Variants in ATXN8OS observed in about 807,000 individuals in gnomAD.
ATXN8OS encodes the protein ATXN8 opposite strand (non-protein coding).
At chr13:70,155,443 T>G (rs905456689) in intron 4 of ATXN8OS, among the ~76,000 whole-genome samples, 5 of 152,232 alleles carry the variant, frequency 3.3e-5, no homozygotes, top group African/African-American at 1.2e-4. Context: ...GCTGCTGGTT[T>G]ACATTCCATT....
At chr13:70,122,654 C>T (rs1247824367) in intron 2 of ATXN8OS, among the ~76,000 whole-genome samples, 1 of 151,822 alleles carries the variant, frequency 6.6e-6, no homozygotes, top group African/African-American at 2.4e-5. Context: ...TTTTATGAAA[C>T]TATGGTATGT....
At chr13:70,168,259 G>A (rs1025994174) in intron 4 of ATXN8OS, among the ~76,000 whole-genome samples, 3 of 152,076 alleles carry the variant, frequency 2.0e-5, no homozygotes, top group African/African-American at 7.2e-5. Context: ...ACATTTTTAT[G>A]GGGTACATGT....
At chr13:70,129,829 T>C in exon 3 of ATXN8OS, 2 of 398,394 alleles carry the variant, frequency 5.0e-6, no homozygotes, top group East Asian at 3.6e-5. Flanking sequence ...GAAGGATGTA[T>C]GTATAGGAAG....
chr13:70,144,119 A>G (rs1888750890), intron 3 of ATXN8OS, among the ~76,000 whole-genome samples: 1 of 152,084 alleles, frequency 6.6e-6, no homozygotes, highest in Non-Finnish European at 1.5e-5. Context: ...ATAAATATTA[A>G]ATTTTAATAT....
intron 2 of ATXN8OS, chr13:70,129,685 GTA>G (rs1196186318): frequency 2.5e-6 from 1 of 396,798 alleles, no homozygotes; most frequent in African/African-American, 2.1e-5. Context: ...GTTCTTATAA[GTA>G]GAATTACTTC....
intron 4 of ATXN8OS, among the ~76,000 whole-genome samples, chr13:70,159,549 C>A (rs1297526885): frequency 6.6e-6 from 1 of 151,814 alleles, no homozygotes; most frequent in African/African-American, 2.4e-5. Flanking sequence ...TATGGATTCC[C>A]ACGTGCATAC....
intron 4 of ATXN8OS, among the ~76,000 whole-genome samples, chr13:70,159,326 G>A (rs1480477263): frequency 6.6e-6 from 1 of 151,748 alleles, no homozygotes. Context: ...TATTGCTAGT[G>A]AGCAATAATA....
chr13:70,160,385 T>A (rs1888993003), intron 4 of ATXN8OS, among the ~76,000 whole-genome samples: 1 of 151,918 alleles, frequency 6.6e-6, no homozygotes, highest in African/African-American at 2.4e-5. Flanking sequence ...TTCTCACAGC[T>A]CCAGAAGCTA....
At chr13:70,132,183 G>T (rs941195650) in intron 3 of ATXN8OS, among the ~76,000 whole-genome samples, 6 of 151,766 alleles carry the variant, frequency 4.0e-5, no homozygotes, top group Non-Finnish European at 4.4e-5. Context: ...TTGCTTACTG[G>T]ACTATTCACA....
intron 2 of ATXN8OS, chr13:70,129,769 C>A (rs954604304): frequency 1.3e-5 from 5 of 398,290 alleles, no homozygotes; most frequent in Non-Finnish European, 1.8e-5. Context: ...TCTCTCTCTG[C>A]TTTAATTGCA....
At position 70,155,380 on chromosome 13, in the gene ATXN8OS, G is replaced by T. The variant is rs376848158; in HGVS notation, n.573+7952G>T. Among the ~76,000 whole-genome samples, 8 of 152,090 alleles carry T rather than the reference G, an allele frequency of 5.3e-5. 1 individual carries two copies. Among genetic ancestry groups the T allele is most frequent in the South Asian group, 2.1e-4 (1 of 4,802 alleles). On this transcript the variant is annotated intron_variant and non_coding_transcript_variant, in intron 4 of 4. Transcript: ENST00000678624. The stretch of plus-strand genomic sequence containing the variant: ...AGATAGATTGCCCAATTCTCAATTT[G>T]GTCCATAAGAAACATACCCAATATA...
chr13:70,162,297 C>A (rs575627136), intron 4 of ATXN8OS, among the ~76,000 whole-genome samples: 1 of 152,130 alleles, frequency 6.6e-6, no homozygotes, highest in East Asian at 1.9e-4. Flanking sequence ...GAATTCAGCA[C>A]CTCAGGGCCA....
chr13:70,133,396 A>C (rs754751961), intron 3 of ATXN8OS, among the ~76,000 whole-genome samples: 1 of 152,210 alleles, frequency 6.6e-6, no homozygotes, highest in Non-Finnish European at 1.5e-5. Flanking sequence ...ACAGTGAAAC[A>C]GTGAAAAAAA....
intron 4 of ATXN8OS, among the ~76,000 whole-genome samples, chr13:70,169,059 C>T (rs1310590641): frequency 6.6e-6 from 1 of 151,838 alleles, no homozygotes; most frequent in Non-Finnish European, 1.5e-5. Context: ...GAATAGATTG[C>T]TATTTTAAGT....
At chr13:70,154,808 CA>C (rs1173422815) in intron 4 of ATXN8OS, among the ~76,000 whole-genome samples, 2 of 152,196 alleles carry the variant, frequency 1.3e-5, no homozygotes, top group Non-Finnish European at 2.9e-5. Context: ...AGAAGTACAA[CA>C]AAGGTCATGA....
intron 4 of ATXN8OS, among the ~76,000 whole-genome samples, chr13:70,161,919 G>T (rs112674899): frequency 2.0e-5 from 3 of 151,868 alleles, no homozygotes; most frequent in Non-Finnish European, 1.5e-5. Flanking sequence ...AGAACTAGGG[G>T]GATGGAAGAC....
chr13:70,166,559 A>G (rs1467994444), intron 4 of ATXN8OS, among the ~76,000 whole-genome samples: 1 of 152,040 alleles, frequency 6.6e-6, no homozygotes, highest in Admixed American at 6.6e-5. Flanking sequence ...AACCATAAAA[A>G]CCCTAGAAGA....
intron 3 of ATXN8OS, among the ~76,000 whole-genome samples, chr13:70,143,066 T>TA (rs567043436): frequency 0.069 from 9,534 of 137,984 alleles, 490 homozygotes; most frequent in East Asian, 0.29. Flanking sequence ...AAACTCCGTC[T>TA]AAAAAAAAAA....
intron 3 of ATXN8OS, among the ~76,000 whole-genome samples, chr13:70,134,845 T>C (rs1273128763): frequency 6.6e-6 from 1 of 152,074 alleles, no homozygotes; most frequent in Non-Finnish European, 1.5e-5. Context: ...TGAGGGCATA[T>C]CTGAGGGCCA....
Sources: allele counts gnomAD v4.1 joint callset (sites outside exome capture counted in the v4.1 genomes callset), GRCh38; gene constraint gnomAD v4.1.1; transcripts MANE v1.5; gene names NCBI Gene and HGNC (gene_info 2026-07-23, HGNC 2026-07-21).